The following FBXO24 variants were observed in gnomAD, a reference collection of about 807,000 sequenced individuals.
FBXO24 encodes F-box only protein 24.
Under a neutral mutation model 63.5 loss-of-function variants are expected in FBXO24, and 30 were observed. The ratio of observed to expected loss-of-function variants is 0.47; its 90% CI spans 0.35 to 0.64. The LOEUF is 0.64. Among genes scored for constraint, FBXO24 ranks in the 30% least tolerant of loss-of-function variants. The pLI, the probability that FBXO24 is intolerant of heterozygous loss-of-function variation, is 0.00. For missense variants in FBXO24, 624 were observed against 763.4 expected (o/e 0.82, Z 2.15); for synonymous variants, 300 against 305.0 (o/e 0.98, Z 0.17).
At position 100,600,416 on chromosome 7, in the gene FBXO24, G is replaced by A; in HGVS notation, c.1378-118G>A. ...CAACCTCACACACCCCTGGGACTTA[G>A]CCGGCTCAGGGCTGGTGTGAGAGGG... On this transcript the variant is annotated intron_variant, in intron 9 of 9. Transcript: ENST00000241071. This position sits in a 1 kb window ranked among gnomAD's most constrained non-coding sequence, Gnocchi z 6.3. The A allele has an allele frequency of 6.7e-7, 1 of 1,499,710 alleles. No homozygotes were observed. The highest frequency in any genetic ancestry group is 8.9e-7 in the Non-Finnish European group (1 of 1,119,854). 92.9% of individuals were successfully genotyped at this position (1,499,710 alleles called of 1,614,324 possible). A position where few individuals can be genotyped will look rare whatever the true frequency, so the allele number is the denominator to read the frequency against.
At chr7:100,591,558 G>A in intron 3 of FBXO24, 109 bp from the exon 4 acceptor site, 1 of 921,628 alleles carries the variant, frequency 1.1e-6, no homozygotes, top group Non-Finnish European at 1.7e-6. Context: ...CTGTCCTGGG[G>A]ATGGGGAGGA....
At chr7:100,591,093 A>T (rs2131263630) in intron 3 of FBXO24, among the ~76,000 whole-genome samples, 1 of 136,060 alleles carries the variant, frequency 7.3e-6, no homozygotes, top group Non-Finnish European at 1.5e-5. Context: ...GCTGGAGCAC[A>T]GTGGTGCAAT....
intron 4 of FBXO24, 118 bp from the exon 5 acceptor site, chr7:100,592,665 A>C: frequency 1.3e-6 from 1 of 749,818 alleles, no homozygotes; most frequent in South Asian, 1.8e-5. Flanking sequence ...CCTGAAATCA[A>C]GGGCTCATTT....
In FBXO24 at chr7:100,595,110, G is replaced by C. The variant is rs1403048752; in HGVS notation, c.961G>C (p.Gly321Arg). 1 of 1,614,018 alleles carries C rather than the reference G, an allele frequency of 6.2e-7. No homozygotes were observed. The highest frequency in any genetic ancestry group is 8.5e-7 in the Non-Finnish European group (1 of 1,179,958). Reference protein sequence around the residue: ...SSTLYVTDQGGVYFEVHTPGV... With the variant: ...SSTLYVTDQGRVYFEVHTPGV... ...GGCTCCTGACCCCCCAGACCAGGGG[G>C]GAGTGTATTTTGAGGTGCATACCCC... is the stretch of plus-strand genomic sequence containing the variant. Residue 321 changes from glycine to arginine, a missense_variant, in exon 7 of 10, where the codon GGA becomes CGA. Coordinates refer to ENST00000241071, the MANE Select transcript of FBXO24 (RefSeq NM_033506.3).
rs941763583 is a variant in FBXO24, at chr7:100,594,281, G to T, written c.794-102G>T. ...TTATTTCTTTCTCAGCCCCACTCTA[G>T]GGCAGTAAATGTGTCACCCATATGG... On this transcript the variant is annotated intron_variant, in intron 5 of 9. Transcript: ENST00000241071. The surrounding 1 kb of genome is among the most constrained non-coding windows in gnomAD (Gnocchi z 4.2). The T allele has an allele frequency of 2.3e-6, 3 of 1,321,980 alleles. No homozygotes were observed. Among genetic ancestry groups the T allele is most frequent in the Admixed American group, 2.2e-5 (1 of 45,144 alleles). 81.9% of individuals were successfully genotyped at this position (1,321,980 alleles called of 1,614,324 possible). A position where few individuals can be genotyped will look rare whatever the true frequency, so the allele number is the denominator to read the frequency against.
At chr7:100,589,555 G>C (rs1252243305) in intron 1 of FBXO24, 2 of 1,419,622 alleles carry the variant, frequency 1.4e-6, no homozygotes, top group South Asian at 1.7e-5. Context: ...TGAGGTCACA[G>C]AGAGGTTTGT....
In FBXO24 at chr7:100,586,510, C is replaced by A; in HGVS notation, c.-116C>A. ...CAGGGGGTGCCTAGTCCTCGTCCCC[C>A]AAAGACCAATCGTAAGCCAGATACA... On this transcript the variant is annotated 5_prime_UTR_variant, in exon 1 of 10. Transcript: ENST00000241071. 3 of 1,142,102 alleles carry A rather than the reference C, an allele frequency of 2.6e-6. No individual in the cohort carries two copies. The highest frequency in any genetic ancestry group is 1.9e-5 in the Admixed American group (1 of 52,672). The allele number at this position is 1,142,102 out of a possible 1,614,324, so 70.7% of individuals were successfully genotyped here. A position where few individuals can be genotyped will look rare whatever the true frequency, so the allele number is the denominator to read the frequency against.
intron 4 of FBXO24, among the ~76,000 whole-genome samples, chr7:100,592,500 C>T (rs909347013): frequency 5.9e-5 from 9 of 152,250 alleles, no homozygotes; most frequent in African/African-American, 1.7e-4. Context: ...AAATTGCCCC[C>T]GTGAGCCAAT....
Position 100,586,645 on chromosome 7 carries a change from C to T in FBXO24, c.20C>T (p.Pro7Leu), listed in dbSNP as rs774407220. The T allele has an allele frequency of 9.9e-6, 16 of 1,614,228 alleles. 1 individual carries two copies. In the South Asian group the frequency reaches 1.1e-4, roughly 11 times the overall value. ...AATAGCATGGGCGAGAAGGCGGTCC[C>T]TTTGCTAAGGAGGAGGCGGGTGAGC... The part of the protein sequence containing the change: MGEKAV[P>L]LLRRRRVKRS... Residue 7 changes from proline (P) to leucine (L), a missense_variant, in exon 1 of 10, where the codon CCT (proline) becomes CTT (leucine). This residue lies in a region of FBXO24 where 391 missense variants were observed against 469.1 expected (regional missense o/e 0.83). Coordinates refer to ENST00000241071, the MANE Select transcript of FBXO24 (RefSeq NM_033506.3).
intron 4 of FBXO24, 46 bp downstream of exon 4, chr7:100,591,948 C>A: frequency 6.4e-7 from 1 of 1,570,260 alleles, no homozygotes; most frequent in Non-Finnish European, 8.8e-7. Context: ...TGTATTAGTC[C>A]ATTTTCACAC....
chr7:100,600,937 C>T lies in FBXO24; in HGVS notation c.*38C>T. 2 of 1,586,774 alleles carry T rather than the reference C, an allele frequency of 1.3e-6. No individual in the cohort carries two copies. The highest frequency in any genetic ancestry group is 2.2e-5 in the East Asian group (1 of 44,690). ...TAGCCTAGTCCCTGGAGGAGGGAGT[C>T]CGGCCCCAGGCCAGGGACTAAGGAG... On this transcript the variant is annotated 3_prime_UTR_variant, in exon 10 of 10. Coordinates refer to ENST00000241071, the MANE Select transcript of FBXO24 (RefSeq NM_033506.3). The surrounding 1 kb of genome is among the most constrained non-coding windows in gnomAD (Gnocchi z 6.3).
rs1477501633 is a variant in FBXO24 at position 100,600,005 on chromosome 7, C to T, written c.1207-26C>T. 18 of 1,586,810 alleles carry T rather than the reference C, an allele frequency of 1.1e-5. No homozygotes were observed. Among genetic ancestry groups the T allele is most frequent in the Non-Finnish European group, 1.5e-5 (17 of 1,165,812 alleles). ...CCCCCGTCCCTTGGTGCTCCCTGCT[C>T]AGGGACCCTGGCCGTGTGTCCCCAG... On this transcript the variant is annotated intron_variant, in intron 8 of 9. Transcript: ENST00000241071. The surrounding 1 kb of genome is among the most constrained non-coding windows in gnomAD (Gnocchi z 6.3).
intron 8 of FBXO24, 146 bp downstream of exon 8, chr7:100,595,852 C>T: frequency 8.9e-7 from 1 of 1,127,360 alleles, no homozygotes; most frequent in Non-Finnish European, 1.2e-6. Context: ...GCCAGTGGTA[C>T]TACCCCATGT....
At position 100,595,031 on chromosome 7, in the gene FBXO24, T is replaced by C. The variant is rs1364933188; in HGVS notation, c.953-71T>C. 1.6e-5 allele frequency: 26 copies of C among 1,592,498 alleles called. No individual in the cohort carries two copies. The Admixed American group carries it at 4.3e-4, about 26-fold the overall frequency. Reference sequence around the variant, plus strand: ...GACTCCTTGGATCTTGTAGCTTTCATCCCAGGTGGGGCCTTATCCCTAGGA... The same window carrying C: ...GACTCCTTGGATCTTGTAGCTTTCACCCCAGGTGGGGCCTTATCCCTAGGA... On this transcript the variant is annotated intron_variant, in intron 6 of 9. Coordinates refer to ENST00000241071, the MANE Select transcript of FBXO24 (RefSeq NM_033506.3).
intron 8 of FBXO24, 55 bp downstream of exon 8, chr7:100,595,761 C>A: frequency 1.3e-6 from 2 of 1,519,870 alleles, no homozygotes; most frequent in Non-Finnish European, 1.8e-6. Flanking sequence ...AATTCCCTAA[C>A]CCCCAGATCT....
In FBXO24 at chr7:100,601,021, C is replaced by G; in HGVS notation, c.*122C>G. On this transcript the variant is annotated 3_prime_UTR_variant, in exon 10 of 10. Transcript: ENST00000241071. ...GTTGCTAGGGGGTGGGGACGGCTAA[C>G]CAGGGTAAGAATGTTCAGGGGGCTG... is the stretch of plus-strand genomic sequence containing the variant. The G allele has an allele frequency of 7.1e-7, 1 of 1,412,384 alleles. No individual in the cohort carries two copies. The highest frequency in any genetic ancestry group is 1.4e-5 in the South Asian group (1 of 71,244). 87.5% of individuals were successfully genotyped at this position (1,412,384 alleles called of 1,614,324 possible).
chr7:100,593,683 G>C (rs1215281359), intron 5 of FBXO24, among the ~76,000 whole-genome samples: 1 of 146,804 alleles, frequency 6.8e-6, no homozygotes, highest in Non-Finnish European at 1.5e-5. Context: ...TGTAGTCCCA[G>C]CTACTTGGGA....
intron 8 of FBXO24, among the ~76,000 whole-genome samples, chr7:100,596,029 A>T (rs964178146): frequency 2.6e-5 from 4 of 152,028 alleles, no homozygotes; most frequent in Non-Finnish European, 5.9e-5. Context: ...TGTAATCCCG[A>T]CACTTTGGGA....
chr7:100,592,167 G>C (rs2131265893), intron 4 of FBXO24: 1 of 395,914 alleles, frequency 2.5e-6, no homozygotes, highest in South Asian at 2.3e-5. Flanking sequence ...GCTGAGGCAG[G>C]AGAATTGCTT....
Sources: allele counts gnomAD v4.1 joint callset (sites outside exome capture counted in the v4.1 genomes callset), GRCh38; gene constraint gnomAD v4.1.1; regional missense constraint gnomAD v4.1.1; non-coding constraint Gnocchi (gnomAD v3.1); transcripts MANE v1.5; gene names NCBI Gene and HGNC (gene_info 2026-07-23, HGNC 2026-07-21).